MLF1: variants seen among roughly 807,000 people sequenced by gnomAD.
MLF1 encodes the protein myelodysplasia-myeloid leukemia factor 1.
In MLF1, 37 loss-of-function variants were observed where a neutral mutation model predicts 38.3. The observed-to-expected ratio is 0.96, with a 90% CI of 0.74 to 1.27. The LOEUF (loss-of-function observed/expected upper bound fraction) is 1.27, where lower values mean the gene tolerates loss of function less well. MLF1 is among the 50% of genes most tolerant of loss of function. The pLI, the probability that MLF1 is intolerant of heterozygous loss-of-function variation, is 0.00. For missense variants in MLF1, 331 were observed against 349.2 expected (o/e 0.95, Z 0.42); for synonymous variants, 95 against 106.5 (o/e 0.89, Z 0.66).
At chr3:158,601,528 C>T (rs1719749401) in intron 6 of MLF1, among the ~76,000 whole-genome samples, 2 of 151,880 alleles carry the variant, frequency 1.3e-5, no homozygotes, top group South Asian at 4.2e-4. Context: ...CAAGATCGAG[C>T]CCTTGCACTC....
chr3:158,599,373 A>G (rs910314459), intron 5 of MLF1, among the ~76,000 whole-genome samples: 1 of 152,214 alleles, frequency 6.6e-6, no homozygotes, highest in African/African-American at 2.4e-5. Context: ...TAGTACTTAT[A>G]GTAAAAATTT....
intron 7 of MLF1, among the ~76,000 whole-genome samples, chr3:158,604,643 TTTTTTTGTTTTTTA>T (rs869200789): frequency 6.6e-5 from 10 of 152,138 alleles, no homozygotes; most frequent in African/African-American, 2.2e-4. Context: ...ATTTTCTGGT[TTTTTTTGTTTTTTA>T]TTTTTTGTTT....
At chr3:158,584,659 G>GTT (rs1716925536) in intron 1 of MLF1, among the ~76,000 whole-genome samples, 1 of 14,234 alleles carries the variant, frequency 7.0e-5, no homozygotes, top group Admixed American at 5.7e-4. Context: ...CATAAAGAAA[G>GTT]TGTGTGTGTG....
chr3:158,605,252 A>G lies in MLF1; in HGVS notation c.*50A>G. 2.1e-6 allele frequency: 3 copies of G among 1,431,402 alleles called. No homozygotes were observed. The highest frequency in any genetic ancestry group is 2.9e-6 in the Non-Finnish European group (3 of 1,028,728). 88.7% of individuals were successfully genotyped at this position (1,431,402 alleles called of 1,614,324 possible). ...GTTTTGATTGTTTTAACAGTTAGTAATGGTGCTGGGTAATAAGCATAAGAC... is the reference window on the plus strand; with the variant it reads ...GTTTTGATTGTTTTAACAGTTAGTAGTGGTGCTGGGTAATAAGCATAAGAC... On this transcript the variant is annotated 3_prime_UTR_variant, in exon 8 of 8. Coordinates refer to ENST00000466246, the MANE Select transcript of MLF1 (RefSeq NM_001369783.1).
Position 158,592,469 on chromosome 3 carries a change from AGAT to A in MLF1, c.87_89del (p.Met29del). 6.2e-7 allele frequency: 1 copy of A among 1,611,086 alleles called. No homozygotes were observed. ...CTTGCACACCGAGAAAATATGCGACAGATGATAAGAAGTTTTTCTGAACCCTTT... is the reference window on the plus strand; with the variant it reads ...CTTGCACACCGAGAAAATATGCGACAGATAAGAAGTTTTTCTGAACCCTTT... On this transcript the variant is annotated inframe_deletion, in exon 2 of 8. Coordinates refer to ENST00000466246, the MANE Select transcript of MLF1 (RefSeq NM_001369783.1).
At position 158,571,218 on chromosome 3, in the gene MLF1, GGCT is replaced by G. The variant is rs1714214943; in HGVS notation, c.-82_-80del. On this transcript the variant is annotated 5_prime_UTR_variant, in exon 1 of 8. Transcript: ENST00000466246. ...CGAGTGAGGCGTCGTCCGTACTGGA[GGCT>G]AGCTCTTGTCGCGGCCGCGGCGAGT... 4.3e-6 allele frequency: 5 copies of G among 1,154,940 alleles called. No homozygotes were observed. Among genetic ancestry groups the G allele is most frequent in the Non-Finnish European group, 6.5e-6 (5 of 773,436 alleles). 71.5% of individuals were successfully genotyped at this position (1,154,940 alleles called of 1,614,324 possible).
intron 1 of MLF1, among the ~76,000 whole-genome samples, chr3:158,586,506 A>G (rs1307602024): frequency 6.6e-6 from 1 of 152,248 alleles, no homozygotes; most frequent in Admixed American, 6.5e-5. Flanking sequence ...TGTTCAAATT[A>G]CTAGATGTTA....
At chr3:158,572,902 C>T (rs923542247) in intron 1 of MLF1, among the ~76,000 whole-genome samples, 1 of 151,700 alleles carries the variant, frequency 6.6e-6, no homozygotes, top group African/African-American at 2.4e-5. Flanking sequence ...AAGGCCCTTC[C>T]TCACACTCCC....
chr3:158,574,739 A>T (rs546983083), intron 1 of MLF1, among the ~76,000 whole-genome samples: 1 of 151,902 alleles, frequency 6.6e-6, no homozygotes, highest in East Asian at 1.9e-4. Context: ...TGTAAAATCC[A>T]TAATTTTATT....
rs1217659750 is a variant in MLF1, at chr3:158,588,623, AAG to A, written c.48-3810_48-3809del. ...CTCAAAAAAAAAAAAAAAAAAAAAA[AAG>A]CAGAAAAAAACTGCCCTCATTCTAA... On this transcript the variant is annotated intron_variant, in intron 1 of 7. Transcript: ENST00000466246. Among the ~76,000 whole-genome samples the A allele has an allele frequency of 9.1e-4, 35 of 38,264 alleles. 1 individual carries two copies. Among genetic ancestry groups the A allele is most frequent in the Admixed American group, 2.0e-3 (8 of 3,990 alleles). The allele number at this position is 38,264 out of a possible 152,430, so 25.1% of individuals were successfully genotyped here.
intron 3 of MLF1, among the ~76,000 whole-genome samples, chr3:158,595,020 AATT>A (rs1718684582): frequency 6.6e-6 from 1 of 152,134 alleles, no homozygotes; most frequent in African/African-American, 2.4e-5. Context: ...AAGTGCCAGG[AATT>A]ATTATATATG....
chr3:158,602,634 G>A (rs1352160207), intron 6 of MLF1, among the ~76,000 whole-genome samples, 173 bp from the exon 7 acceptor site: 1 of 152,272 alleles, frequency 6.6e-6, no homozygotes, highest in Admixed American at 6.5e-5. Context: ...GGAACAGACA[G>A]GAAAACAAAT....
chr3:158,571,483 A>G (rs1714272129), intron 1 of MLF1, 136 bp downstream of exon 1: 1 of 989,002 alleles, frequency 1.0e-6, no homozygotes, highest in Non-Finnish European at 1.6e-6. Context: ...GAAGGAGACG[A>G]GGATTTGGAG....
intron 1 of MLF1, among the ~76,000 whole-genome samples, chr3:158,576,439 G>A (rs1219618176): frequency 6.6e-6 from 1 of 152,076 alleles, no homozygotes; most frequent in Non-Finnish European, 1.5e-5. Context: ...GAGGTTAAAT[G>A]GTTTTGGCAT....
At chr3:158,571,652 G>C (rs530855085) in intron 1 of MLF1, among the ~76,000 whole-genome samples, 2 of 86,950 alleles carry the variant, frequency 2.3e-5, no homozygotes, top group African/African-American at 9.9e-5. Flanking sequence ...GGCTGGGAGT[G>C]GGGGGAGAAG....
At chr3:158,574,122 T>A (rs1041625286) in intron 1 of MLF1, among the ~76,000 whole-genome samples, 1 of 152,096 alleles carries the variant, frequency 6.6e-6, no homozygotes, top group African/African-American at 2.4e-5. Context: ...AAATAAATGA[T>A]TGACTTAAAT....
At position 158,603,978 on chromosome 3, in the gene MLF1, G is replaced by A. The variant is rs548660774; in HGVS notation, c.746+1039G>A. 5.8e-4 allele frequency among the ~76,000 whole-genome samples: 89 copies of A among 152,274 alleles called. 1 individual carries two copies. The highest frequency in any genetic ancestry group is 2.1e-3 in the African/African-American group (86 of 41,550). Reference sequence around the variant, plus strand: ...GAAGTTACACTCAAAGGCCTCACCAGACCTTAAATAGAAATCTGTTCTAAG... The same window carrying A: ...GAAGTTACACTCAAAGGCCTCACCAAACCTTAAATAGAAATCTGTTCTAAG... On this transcript the variant is annotated intron_variant, in intron 7 of 7. Coordinates refer to ENST00000466246, the MANE Select transcript of MLF1 (RefSeq NM_001369783.1).
intron 1 of MLF1, among the ~76,000 whole-genome samples, chr3:158,582,071 T>G (rs936418335): frequency 6.6e-6 from 1 of 151,922 alleles, no homozygotes; most frequent in African/African-American, 2.4e-5. Flanking sequence ...TCCCAGCTAC[T>G]CGGGAGGCTG....
rs368919655 is a variant in MLF1 at position 158,579,587 on chromosome 3, A to G, written c.47+8240A>G. Reference sequence around the variant, plus strand: ...ATATTCCCCTACTTCTATATAAAGAAAGAAAAACCCAGGCAAATTTTAAAT... The same window carrying G: ...ATATTCCCCTACTTCTATATAAAGAGAGAAAAACCCAGGCAAATTTTAAAT... On this transcript the variant is annotated intron_variant, in intron 1 of 7. Transcript: ENST00000466246. 8.3e-4 allele frequency among the ~76,000 whole-genome samples: 126 copies of G among 152,356 alleles called. 7 individuals carry two copies. In the South Asian group the frequency reaches 0.025, roughly 30 times the overall value.
Sources: allele counts gnomAD v4.1 joint callset (sites outside exome capture counted in the v4.1 genomes callset), GRCh38; gene constraint gnomAD v4.1.1; transcripts MANE v1.5; gene names NCBI Gene and HGNC (gene_info 2026-07-23, HGNC 2026-07-21).